Variants in MED24 observed in about 807,000 individuals in gnomAD.
MED24 encodes the protein mediator complex subunit 24, also known as mediator of RNA polymerase II transcription subunit 24.
MED24 carries 74 observed loss-of-function variants against 118.8 expected under a neutral mutation model. The observed-to-expected ratio is 0.62, with a 90% CI of 0.52 to 0.76. The LOEUF (loss-of-function observed/expected upper bound fraction) is 0.76. MED24 is among the 30% of genes least tolerant of loss of function. The pLI, the probability that MED24 is intolerant of heterozygous loss-of-function variation, is 0.00. For missense variants in MED24, 1,041 were observed against 1,278.9 expected (o/e 0.81, Z 2.84); for synonymous variants, 521 against 523.9 (o/e 0.99, Z 0.08).
intron 3 of MED24, among the ~76,000 whole-genome samples, chr17:40,045,684 G>A: frequency 6.6e-6 from 1 of 151,634 alleles, no homozygotes; most frequent in East Asian, 1.9e-4. Context: ...ACAGGTGCAG[G>A]AGGATGGCTT....
At chr17:40,027,211 G>T in intron 16 of MED24, 172 bp downstream of exon 16, 2 of 1,084,258 alleles carry the variant, frequency 1.8e-6, no homozygotes, top group Non-Finnish European at 1.3e-6. Flanking sequence ...TGGTCAATGT[G>T]AACATAGGGC....
intron 18 of MED24, 73 bp downstream of exon 18, chr17:40,026,574 C>A (rs144413662): frequency 7.1e-7 from 1 of 1,412,314 alleles, no homozygotes; most frequent in Non-Finnish European, 9.8e-7. Context: ...CTTGCCCTTA[C>A]GAAATATAAC....
intron 22 of MED24, 26 bp from the exon 23 acceptor site, chr17:40,022,080 TAC>T: frequency 6.5e-7 from 1 of 1,531,302 alleles, no homozygotes; most frequent in Non-Finnish European, 8.9e-7. Context: ...GTCACTGTTA[TAC>T]ACCCCTAAAC....
Position 40,026,707 on chromosome 17 carries a change from G to A in MED24, c.1749C>T (p.Ala583=), listed in dbSNP as rs918481023. The A allele has an allele frequency of 5.0e-6, 8 of 1,612,574 alleles. No individual in the cohort carries two copies. The highest frequency in any genetic ancestry group is 1.6e-4 in the Middle Eastern group (1 of 6,082). The change falls in exon 18 of 26, where the codon GCC becomes GCT. Residue 583 remains alanine, a synonymous_variant. Coordinates refer to ENST00000394128, the MANE Select transcript of MED24 (RefSeq NM_014815.4). The part of the protein sequence containing the change: ...KWHEACLSIS[A]AILEILNAWE... ...AGGCATTGAGGATTTCCAAGATGGC[G>A]GCTGAGATGCTGAGACAGGCCTCAT...
At chr17:40,043,470 T>C (rs902318285) in intron 3 of MED24, among the ~76,000 whole-genome samples, 3 of 152,188 alleles carry the variant, frequency 2.0e-5, no homozygotes, top group Admixed American at 6.6e-5. Context: ...GGTGGTGGGC[T>C]GGACAGGAGA....
chr17:40,053,444 C>G lies in MED24; in HGVS notation c.130+25G>C, dbSNP rs371331511. The G allele has an allele frequency of 5.6e-6, 9 of 1,613,868 alleles. No homozygotes were observed. The African/African-American group carries it at 1.2e-4, about 22-fold the overall frequency. Reference sequence around the variant, plus strand: ...ACTTCTCTGGGTTTATCCCTCCCATCTTTCTTTCCCAGTTCACTTGAGACC... The same window carrying G: ...ACTTCTCTGGGTTTATCCCTCCCATGTTTCTTTCCCAGTTCACTTGAGACC... On this transcript the variant is annotated intron_variant, in intron 2 of 25. Coordinates refer to ENST00000394128, the MANE Select transcript of MED24 (RefSeq NM_014815.4).
At chr17:40,034,022 C>A (rs575015789) in intron 6 of MED24, among the ~76,000 whole-genome samples, 2 of 152,296 alleles carry the variant, frequency 1.3e-5, no homozygotes, top group African/African-American at 2.4e-5. Context: ...ACTCACCCGA[C>A]TGGTCTAACT....
rs149523693 is a variant in MED24, at chr17:40,045,186, C to T, written c.213+8112G>A. 4.9e-3 allele frequency among the ~76,000 whole-genome samples: 745 copies of T among 152,254 alleles called. 5 individuals are homozygous for T. The highest frequency in any genetic ancestry group is 0.018 in the African/African-American group (727 of 41,530). ...GGGCTGGGCCAGGCACAGTGGCTCA[C>T]GCCTGTGATCCCAGCACTTTGGGAG... On this transcript the variant is annotated intron_variant, in intron 3 of 25. Coordinates refer to ENST00000394128, the MANE Select transcript of MED24 (RefSeq NM_014815.4).
chr17:40,050,553 T>C (rs921875258), intron 3 of MED24, among the ~76,000 whole-genome samples: 1 of 151,976 alleles, frequency 6.6e-6, no homozygotes, highest in Non-Finnish European at 1.5e-5. Flanking sequence ...GTCAAGGAGG[T>C]TGCAGTGAGC....
intron 3 of MED24, among the ~76,000 whole-genome samples, chr17:40,044,846 T>A (rs1280493894): frequency 1.4e-5 from 2 of 142,382 alleles, no homozygotes; most frequent in Non-Finnish European, 3.0e-5. Context: ...ACCACTGCAC[T>A]CCAGCCTGGG....
At chr17:40,046,112 A>G (rs1213631111) in intron 3 of MED24, among the ~76,000 whole-genome samples, 1 of 118,488 alleles carries the variant, frequency 8.4e-6, no homozygotes, top group Non-Finnish European at 1.7e-5. Flanking sequence ...TTTGAGACGG[A>G]GTCTCACTGT....
chr17:40,048,803 C>A (rs1985514738), intron 3 of MED24, among the ~76,000 whole-genome samples: 1 of 152,138 alleles, frequency 6.6e-6, no homozygotes, highest in Admixed American at 6.6e-5. Context: ...GATCCACCCA[C>A]CTCAGCCTCC....
At chr17:40,029,011 A>AC in intron 13 of MED24, 43 bp from the exon 14 acceptor site, 7 of 1,611,886 alleles carry the variant, frequency 4.3e-6, no homozygotes, top group Admixed American at 1.7e-5. Context: ...AACACTGAAG[A>AC]CCCCCCACCC....
rs143630734 is a variant in MED24, at chr17:40,027,422, G to A, written c.1491C>T (p.Phe497=). 7 of 1,613,716 alleles carry A rather than the reference G, an allele frequency of 4.3e-6. No individual in the cohort carries two copies. Among genetic ancestry groups the A allele is most frequent in the Admixed American group, 1.7e-5 (1 of 59,986 alleles). Reference sequence around the variant, plus strand: ...TCTGGGCCACATGGCACAGCATGAGGAAGGAGATGTCAAACAGCAGGGCCC... The same window carrying A: ...TCTGGGCCACATGGCACAGCATGAGAAAGGAGATGTCAAACAGCAGGGCCC... ...SVRALLFDIS[F]LMLCHVAQTY... Residue 497 remains phenylalanine, a synonymous_variant, in exon 16 of 26, where the codon TTC becomes TTT. Transcript: ENST00000394128.
In MED24 at chr17:40,027,449, G is replaced by A; in HGVS notation, c.1464C>T (p.Val488=). 3.1e-6 allele frequency: 5 copies of A among 1,612,538 alleles called. No homozygotes were observed. The highest frequency in any genetic ancestry group is 4.2e-6 in the Non-Finnish European group (5 of 1,179,238). Residue 488 remains valine, a synonymous_variant, in exon 16 of 26, where the codon GTC becomes GTT. Transcript: ENST00000394128. The stretch of plus-strand genomic sequence containing the variant: ...AGGAGATGTCAAACAGCAGGGCCCG[G>A]ACGGAGGCCGGTTTGGCTGTGGAAG... ...GSEESTKPAS[V]RALLFDISFL...
In MED24 at chr17:40,053,530, C is replaced by G; in HGVS notation, c.69G>C (p.Trp23Cys). 1 of 1,614,164 alleles carries G rather than the reference C, an allele frequency of 6.2e-7. No individual in the cohort carries two copies. Among genetic ancestry groups the G allele is most frequent in the Non-Finnish European group, 8.5e-7 (1 of 1,180,042 alleles). Reference protein sequence around the residue: ...AWKERWSDYQWAINMKKFFPK... With the variant: ...AWKERWSDYQCAINMKKFFPK... ...GAAAGAATTTCTTCATGTTGATTGC[C>G]CATTGGTAGTCACTCCAGCGCTCCT... Residue 23 changes from tryptophan to cysteine, a missense_variant, in exon 2 of 26, where the codon TGG (tryptophan) becomes TGC (cysteine). Trp to Cys is a radical substitution (Grantham distance 215, BLOSUM62 -2). Transcript: ENST00000394128.
intron 3 of MED24, among the ~76,000 whole-genome samples, chr17:40,041,051 A>G (rs950216838): frequency 3.3e-5 from 5 of 152,166 alleles, no homozygotes; most frequent in African/African-American, 7.2e-5. Flanking sequence ...CCCGGACAAC[A>G]TAAGAGTCTT....
At chr17:40,037,374 GT>G (rs1177388893) in intron 3 of MED24, among the ~76,000 whole-genome samples, 7 of 152,190 alleles carry the variant, frequency 4.6e-5, no homozygotes, top group Admixed American at 2.0e-4. Context: ...CCCTTCCTCT[GT>G]GCTCCAAGTA....
intron 3 of MED24, among the ~76,000 whole-genome samples, chr17:40,044,519 C>CA (rs373689831): frequency 0.079 from 10,997 of 140,056 alleles, 1,401 homozygotes; most frequent in African/African-American, 0.27. Context: ...GACTCCATCT[C>CA]AAAAAAAAAA....
Sources: allele counts gnomAD v4.1 joint callset (sites outside exome capture counted in the v4.1 genomes callset), GRCh38; gene constraint gnomAD v4.1.1; transcripts MANE v1.5; gene names NCBI Gene and HGNC (gene_info 2026-07-23, HGNC 2026-07-21).